Variants in ANKS1B observed in about 807,000 individuals in gnomAD.
ANKS1B encodes ankyrin repeat and sterile alpha motif domain containing 1B, also known as ankyrin repeat and sterile alpha motif domain-containing protein 1B.
ANKS1B carries 36 observed loss-of-function variants against 148.3 expected under a neutral mutation model. The observed-to-expected ratio is 0.24, with a 90% confidence interval of 0.19 to 0.32. The LOEUF (loss-of-function observed/expected upper bound fraction) is 0.32. ANKS1B is among the 10% of genes least tolerant of loss of function. The pLI is 1.00. For synonymous variants in ANKS1B, 542 were observed against 560.8 expected (o/e 0.97, Z 0.47); for missense variants, 1,157 against 1,542.6 (o/e 0.75, Z 4.19).
chr12:98,760,383 G>C (rs1231885975), intron 25 of ANKS1B, among the ~76,000 whole-genome samples: 1 of 152,086 alleles, frequency 6.6e-6, no homozygotes, highest in Non-Finnish European at 1.5e-5. Context: ...TCTCACCTCA[G>C]CCTCTGGAGT....
intron 12 of ANKS1B, among the ~76,000 whole-genome samples, chr12:99,250,374 C>A (rs1250863725): frequency 6.6e-6 from 1 of 152,172 alleles, no homozygotes; most frequent in African/African-American, 2.4e-5. Flanking sequence ...AATTAGCTAG[C>A]CCCAGGAGGG....
At chr12:99,469,356 G>A (rs1176629448) in intron 10 of ANKS1B, among the ~76,000 whole-genome samples, 1 of 151,294 alleles carries the variant, frequency 6.6e-6, no homozygotes, top group East Asian at 1.9e-4. Flanking sequence ...CGAGTTGGTG[G>A]GTGCAGCACA....
chr12:98,943,366 A>G (rs941798842), intron 17 of ANKS1B, among the ~76,000 whole-genome samples: 3 of 152,236 alleles, frequency 2.0e-5, no homozygotes, highest in East Asian at 3.8e-4. Context: ...CCTTTATAAC[A>G]AATTGCTGCA....
At chr12:99,185,136 A>G (rs527542268) in intron 14 of ANKS1B, among the ~76,000 whole-genome samples, 1 of 152,354 alleles carries the variant, frequency 6.6e-6, no homozygotes, top group African/African-American at 2.4e-5. Flanking sequence ...AATGTGCACC[A>G]TAACATCACC....
At chr12:99,811,501 T>A (rs899381198) in intron 3 of ANKS1B, among the ~76,000 whole-genome samples, 2 of 151,952 alleles carry the variant, frequency 1.3e-5, no homozygotes, top group African/African-American at 4.8e-5. Context: ...TGTGGTCCTA[T>A]CTGTTTAGAA....
chr12:99,862,036 G>A (rs1218877145), intron 1 of ANKS1B, among the ~76,000 whole-genome samples: 1 of 152,028 alleles, frequency 6.6e-6, no homozygotes, highest in Non-Finnish European at 1.5e-5. Flanking sequence ...AACATGGTAG[G>A]TTTTCTCTCA....
rs1406099200 is a variant in ANKS1B, at chr12:98,832,052, G to T, written c.2863C>A (p.Pro955Thr). The change falls in exon 18 of 27, where the codon CCC becomes ACC. Residue 955 changes from proline (P) to threonine (T), a missense_variant. This residue lies in a region of ANKS1B where 258 missense variants were observed against 497.0 expected (regional missense o/e 0.52). Coordinates refer to ENST00000683438, the MANE Select transcript of ANKS1B (RefSeq NM_001352186.2). ...ACCCTGAGGGTGATGGACCGAGGGG[G>T]CTTCTGTGGGGGATCGTCGTGCAGC... Reference protein sequence around the residue: ...DRLHDDPPQKPPRSITLREPS... With the variant: ...DRLHDDPPQKTPRSITLREPS... The T allele has an allele frequency of 3.8e-6, 6 of 1,596,280 alleles. No homozygotes were observed. Among genetic ancestry groups the T allele is most frequent in the Non-Finnish European group, 3.4e-6 (4 of 1,171,152 alleles).
At chr12:98,908,081 T>C (rs169304) in intron 17 of ANKS1B, among the ~76,000 whole-genome samples, 134,960 of 152,138 alleles carry the variant, frequency 0.89, 60,047 homozygotes, top group East Asian at 0.94. Context: ...GCATGAGTCT[T>C]TCACCCATCT....
chr12:99,378,928 A>G (rs576195572), intron 12 of ANKS1B, among the ~76,000 whole-genome samples: 5 of 152,274 alleles, frequency 3.3e-5, no homozygotes, highest in Non-Finnish European at 7.4e-5. Context: ...CAGAATTTCT[A>G]TTGGCCAGTG....
At chr12:98,794,322 G>A (rs1315386542) in intron 22 of ANKS1B, among the ~76,000 whole-genome samples, 6 of 148,350 alleles carry the variant, frequency 4.0e-5, no homozygotes, top group African/African-American at 1.5e-4. Context: ...AACCCAGGAG[G>A]TGGAGGTTGC....
chr12:98,810,018 T>C (rs566961337), intron 19 of ANKS1B, among the ~76,000 whole-genome samples: 29 of 152,314 alleles, frequency 1.9e-4, no homozygotes, highest in Admixed American at 1.9e-3. Flanking sequence ...ATAAACTATG[T>C]TCCAACTGCC....
chr12:98,872,088 A>G (rs1257660301), intron 17 of ANKS1B, among the ~76,000 whole-genome samples: 2 of 152,230 alleles, frequency 1.3e-5, no homozygotes, highest in Non-Finnish European at 2.9e-5. Flanking sequence ...AGTTAAGTCA[A>G]GTGACTCTGG....
At chr12:99,409,382 G>A (rs1410861931) in intron 11 of ANKS1B, among the ~76,000 whole-genome samples, 1 of 151,912 alleles carries the variant, frequency 6.6e-6, no homozygotes, top group Non-Finnish European at 1.5e-5. Flanking sequence ...TGGGGGGAGT[G>A]GGAATAGTTA....
intron 12 of ANKS1B, among the ~76,000 whole-genome samples, chr12:99,318,721 T>C (rs886123317): frequency 1.3e-5 from 2 of 152,176 alleles, no homozygotes; most frequent in African/African-American, 4.8e-5. Context: ...AGCTTTTTAA[T>C]GTGTTTGTTC....
intron 10 of ANKS1B, among the ~76,000 whole-genome samples, chr12:99,489,173 C>T (rs950548679): frequency 6.8e-6 from 1 of 146,942 alleles, no homozygotes; most frequent in Non-Finnish European, 1.5e-5. Flanking sequence ...ACCCGGGAGG[C>T]GGAGGTGGCA....
intron 12 of ANKS1B, among the ~76,000 whole-genome samples, chr12:99,269,179 G>C (rs1303793399): frequency 6.6e-6 from 1 of 152,178 alleles, no homozygotes; most frequent in South Asian, 2.1e-4. Flanking sequence ...TTGAAGTTAA[G>C]AGCTGCTTAT....
chr12:99,193,134 A>G (rs1226370459), intron 14 of ANKS1B, among the ~76,000 whole-genome samples: 1 of 152,198 alleles, frequency 6.6e-6, no homozygotes, highest in Non-Finnish European at 1.5e-5. Flanking sequence ...TAAATTATAT[A>G]TACCTTTAAT....
At chr12:98,886,810 TACATG>T (rs775315067) in intron 17 of ANKS1B, among the ~76,000 whole-genome samples, 19 of 152,150 alleles carry the variant, frequency 1.2e-4, no homozygotes, top group Non-Finnish European at 2.5e-4. Context: ...ATGGAAAGAA[TACATG>T]ACATAAGAAT....
At chr12:99,983,347 A>G (rs2095735713) in intron 1 of ANKS1B, among the ~76,000 whole-genome samples, 1 of 151,936 alleles carries the variant, frequency 6.6e-6, no homozygotes, top group Admixed American at 6.6e-5. Context: ...AGACCTTGAC[A>G]TTTTTTTTAA....
Sources: gnomAD v4.1 joint callset for allele counts (sites outside exome capture counted in the v4.1 genomes callset) on GRCh38, gnomAD v4.1.1 for gene constraint, gnomAD v4.1.1 regional missense constraint, MANE v1.5 for transcripts, NCBI Gene and HGNC (gene_info 2026-07-23, HGNC 2026-07-21) for gene names.